Variants in ZFAND3 observed in about 807,000 individuals in gnomAD.
ZFAND3 encodes the protein AN1-type zinc finger protein 3.
A neutral mutation model predicts 29.6 loss-of-function variants in ZFAND3; 10 were observed. The observed-to-expected ratio is 0.34, with a 90% CI of 0.21 to 0.57. The LOEUF (loss-of-function observed/expected upper bound fraction) is 0.57. Ranked by LOEUF, ZFAND3 falls within the 20% of genes least tolerant of loss-of-function variation. The probability of loss-of-function intolerance (pLI) is 0.86; values close to 1 mark genes in which losing one functional copy is unlikely to be tolerated. For missense variants in ZFAND3, 230 were observed against 304.5 expected, an observed-to-expected ratio of 0.76 and a Z score of 1.82; for synonymous variants, 128 against 112.6, an observed-to-expected ratio of 1.14 and a Z score of -0.87.
At chr6:38,063,757 G>C (rs1764288382) in intron 3 of ZFAND3, among the ~76,000 whole-genome samples, 1 of 152,210 alleles carries the variant, frequency 6.6e-6, no homozygotes, top group Non-Finnish European at 1.5e-5. Context: ...TAAATGTCCA[G>C]CTAAGCTATT....
intron 3 of ZFAND3, among the ~76,000 whole-genome samples, chr6:38,064,595 T>G (rs1163175977): frequency 1.3e-5 from 2 of 151,838 alleles, no homozygotes; most frequent in Non-Finnish European, 2.9e-5. Context: ...TCCCTGTCAT[T>G]AAGATATGTG....
intron 2 of ZFAND3, among the ~76,000 whole-genome samples, chr6:37,946,629 A>G (rs1040947499): frequency 6.6e-6 from 1 of 152,044 alleles, no homozygotes; most frequent in Non-Finnish European, 1.5e-5. Context: ...TTTTTTACTA[A>G]TTTCCCTTGA....
At chr6:37,940,142 T>G (rs745704164) in intron 2 of ZFAND3, among the ~76,000 whole-genome samples, 2 of 152,136 alleles carry the variant, frequency 1.3e-5, no homozygotes, top group African/African-American at 2.4e-5. Flanking sequence ...TGACCAGGCT[T>G]AGGTTTATGG....
chr6:38,126,888 T>C (rs1197182021), intron 5 of ZFAND3, among the ~76,000 whole-genome samples: 3 of 152,208 alleles, frequency 2.0e-5, no homozygotes, highest in Admixed American at 6.5e-5. Flanking sequence ...TGTGATGATA[T>C]TGTGAGTGGA....
intron 1 of ZFAND3, among the ~76,000 whole-genome samples, chr6:37,883,424 G>C (rs182438374): frequency 6.6e-6 from 1 of 151,872 alleles, no homozygotes; most frequent in Admixed American, 6.6e-5. Flanking sequence ...CCTACCCTTC[G>C]CTGTTGAACG....
chr6:38,099,962 A>G (rs1326761974), intron 4 of ZFAND3, among the ~76,000 whole-genome samples: 1 of 152,222 alleles, frequency 6.6e-6, no homozygotes, highest in African/African-American at 2.4e-5. Flanking sequence ...GCTGTAGCAG[A>G]ATTTGTTTTC....
rs79092965 is a variant in ZFAND3 at position 38,090,384 on chromosome 6, A to T, written c.361+7927A>T. 4.0e-3 allele frequency among the ~76,000 whole-genome samples: 611 copies of T among 152,344 alleles called. 2 individuals carry two copies. The highest frequency in any genetic ancestry group is 0.014 in the African/African-American group (584 of 41,574). On this transcript the variant is annotated intron_variant, in intron 4 of 5. Transcript: ENST00000287218. ...AATGTAACCATTGAAGAAAGATCAA[A>T]ACAGTAAATCTGTCATGGCAAGGAA...
chr6:38,020,776 T>G (rs1763334968), intron 2 of ZFAND3, among the ~76,000 whole-genome samples: 1 of 152,210 alleles, frequency 6.6e-6, no homozygotes, highest in Non-Finnish European at 1.5e-5. Flanking sequence ...CCGTGGTGTT[T>G]GTGTATCCAT....
Position 38,149,356 on chromosome 6 carries a change from G to A in ZFAND3, c.530-2879G>A, listed in dbSNP as rs576247151. Among the ~76,000 whole-genome samples, 7 of 149,658 alleles carry A rather than the reference G, an allele frequency of 4.7e-5. No homozygotes were observed. The East Asian group carries it at 1.4e-3, about 30-fold the overall frequency. On this transcript the variant is annotated intron_variant, in intron 5 of 5. Transcript: ENST00000287218. ...GAGCCCAGAAGGTTGAGGCTGCAGT[G>A]AGCTAGGATCGCACCACAGCGCTCC...
chr6:38,109,358 T>G (rs1156570864), intron 4 of ZFAND3, among the ~76,000 whole-genome samples: 1 of 152,010 alleles, frequency 6.6e-6, no homozygotes, highest in Non-Finnish European at 1.5e-5. Flanking sequence ...TTTTGTATTT[T>G]TAGTAGAGAC....
intron 4 of ZFAND3, among the ~76,000 whole-genome samples, chr6:38,113,727 C>G (rs896129163): frequency 6.6e-6 from 1 of 152,112 alleles, no homozygotes; most frequent in Admixed American, 6.5e-5. Context: ...TATCTAACTC[C>G]CTTACTTATT....
chr6:37,908,542 T>TAAAAAAAAAAAAAAAAAATA (rs70981504), intron 1 of ZFAND3, among the ~76,000 whole-genome samples: 1 of 124,126 alleles, frequency 8.1e-6, no homozygotes, highest in Non-Finnish European at 1.7e-5. Context: ...AAAAAAAAAT[T>TAAAAAAAAAAAAAAAAAATA]AAAAAAAAAA....
intron 2 of ZFAND3, among the ~76,000 whole-genome samples, chr6:37,993,317 A>ATTATTTATTTAT (rs376405008): frequency 4.0e-5 from 6 of 151,262 alleles, no homozygotes; most frequent in African/African-American, 9.7e-5. Context: ...ATTTTATTTT[A>ATTATTTATTTAT]TTATTTATTT....
chr6:37,841,209 G>T (rs1764067477), intron 1 of ZFAND3, among the ~76,000 whole-genome samples: 1 of 152,110 alleles, frequency 6.6e-6, no homozygotes, highest in Admixed American at 6.5e-5. Flanking sequence ...TCAGTTCTTT[G>T]AGTAATAACT....
intron 1 of ZFAND3, among the ~76,000 whole-genome samples, chr6:37,927,519 G>A (rs879359778): frequency 2.6e-5 from 4 of 152,220 alleles, no homozygotes; most frequent in African/African-American, 4.8e-5. Context: ...ACAGATGTGT[G>A]TATACTGCAT....
intron 2 of ZFAND3, among the ~76,000 whole-genome samples, chr6:38,047,081 G>A (rs1763917905): frequency 6.6e-6 from 1 of 151,930 alleles, no homozygotes; most frequent in South Asian, 2.1e-4. Flanking sequence ...CCAGCATTTT[G>A]GGAGGTATGC....
chr6:38,072,438 C>T (rs1764475126), intron 3 of ZFAND3, among the ~76,000 whole-genome samples: 3 of 152,118 alleles, frequency 2.0e-5, no homozygotes, highest in South Asian at 4.1e-4. Context: ...GTCCCCCCTG[C>T]CCCCAATATG....
intron 2 of ZFAND3, among the ~76,000 whole-genome samples, chr6:38,033,059 AC>A (rs1763591805): frequency 6.6e-6 from 1 of 152,178 alleles, no homozygotes; most frequent in South Asian, 2.1e-4. Flanking sequence ...TGAGAAACTT[AC>A]TGAAAAAAAA....
chr6:37,849,367 A>G (rs1275818626), intron 1 of ZFAND3, among the ~76,000 whole-genome samples: 1 of 152,160 alleles, frequency 6.6e-6, no homozygotes, highest in Non-Finnish European at 1.5e-5. Context: ...GAATTGCGTC[A>G]TATAATAGTT....
Sources: allele counts gnomAD v4.1 joint callset (sites outside exome capture counted in the v4.1 genomes callset), GRCh38; gene constraint gnomAD v4.1.1; transcripts MANE v1.5; gene names NCBI Gene and HGNC (gene_info 2026-07-23, HGNC 2026-07-21).